Variants in HERC3 observed in about 807,000 individuals in gnomAD.
The protein encoded by HERC3 is probable E3 ubiquitin-protein ligase HERC3.
A neutral mutation model predicts 129.9 loss-of-function variants in HERC3; 58 were observed. The observed-to-expected ratio is 0.45, with a 90% confidence interval of 0.36 to 0.56. The LOEUF (loss-of-function observed/expected upper bound fraction) is 0.56, where lower values mean the gene tolerates loss of function less well. HERC3 is among the 20% of genes least tolerant of loss of function. The pLI is 0.00. For synonymous variants in HERC3, 430 were observed against 451.0 expected (o/e 0.95, Z 0.59); for missense variants, 835 against 1,244.2 (o/e 0.67, Z 4.95).
intron 3 of HERC3, among the ~76,000 whole-genome samples, chr4:88,632,430 G>T (rs1578204669): frequency 6.6e-6 from 1 of 152,208 alleles, no homozygotes; most frequent in East Asian, 1.9e-4. Context: ...ATTTCAACTT[G>T]CATGGGAAGA....
chr4:88,560,253 C>T, the HERC3 span, among the ~76,000 whole-genome samples: 2 of 152,174 alleles, frequency 1.3e-5, no homozygotes, highest in African/African-American at 4.8e-5. Context: ...AGCCACCACG[C>T]CTGGCCATCC....
At chr4:88,544,892 G>A in the HERC3 span, among the ~76,000 whole-genome samples, 1 of 152,090 alleles carries the variant, frequency 6.6e-6, no homozygotes, top group Non-Finnish European at 1.5e-5. Context: ...CACACACTGG[G>A]GCCTGTTGTG....
At chr4:88,650,868 T>A (rs1729198109) in intron 4 of HERC3, among the ~76,000 whole-genome samples, 1 of 152,364 alleles carries the variant, frequency 6.6e-6, no homozygotes, top group East Asian at 1.9e-4. Flanking sequence ...CCTCTCCTCC[T>A]CTGCCTAATT....
At chr4:88,609,150 G>T (rs907010806) in intron 3 of HERC3, among the ~76,000 whole-genome samples, 1 of 151,528 alleles carries the variant, frequency 6.6e-6, no homozygotes, top group Admixed American at 6.6e-5. Flanking sequence ...GGGCATGGTG[G>T]TGTGTACCTG....
chr4:88,617,884 GAAAA>G lies in HERC3; in HGVS notation c.226+11842_226+11845del, dbSNP rs35899455. On this transcript the variant is annotated intron_variant, in intron 3 of 25. Transcript: ENST00000402738. ...AGACTCCGTCTAAAGGAAAAAAAAA[GAAAA>G]AAAAAACAGGGAGTGCAGAAAAGTG... is the stretch of plus-strand genomic sequence containing the variant. Among the ~76,000 whole-genome samples, 4 of 148,328 alleles carry G rather than the reference GAAAA, an allele frequency of 2.7e-5. No homozygotes were observed. In the South Asian group the frequency reaches 6.4e-4, roughly 24 times the overall value.
chr4:88,706,913 C>G lies in HERC3; in HGVS notation c.3106C>G (p.Arg1036Gly), dbSNP rs145277878. The part of the protein sequence containing the change: ...KYSSKEILSA[R>G]LTQALDNYEG... The stretch of plus-strand genomic sequence containing the variant: ...CAGCAGCAAAGAGATTCTGAGTGCC[C>G]GGCTGACCCAGGCCCTTGACAACTA... Residue 1036 changes from arginine to glycine, a missense_variant, in exon 26 of 26, where the codon CGG (arginine) becomes GGG (glycine). By Grantham distance (125) the Arg-to-Gly change is moderately radical. Transcript: ENST00000402738. The G allele has an allele frequency of 6.2e-7, 1 of 1,614,158 alleles. No individual in the cohort carries two copies.
chr4:88,651,411 C>T (rs1729261085), intron 4 of HERC3, among the ~76,000 whole-genome samples: 2 of 152,182 alleles, frequency 1.3e-5, no homozygotes, highest in South Asian at 4.1e-4. Context: ...GATTCCAATA[C>T]TGGCTCTTTT....
At chr4:88,653,523 C>A (rs978979439) in intron 6 of HERC3, among the ~76,000 whole-genome samples, 8 of 151,954 alleles carry the variant, frequency 5.3e-5, no homozygotes, top group Non-Finnish European at 8.8e-5. Context: ...TCGTGTAGAC[C>A]CAGTTATGCA....
intron 3 of HERC3, among the ~76,000 whole-genome samples, chr4:88,607,775 T>G (rs1461421851): frequency 6.6e-6 from 1 of 152,228 alleles, no homozygotes; most frequent in African/African-American, 2.4e-5. Context: ...GGCCCTATTT[T>G]TACTTTTAAA....
At chr4:88,657,292 C>T (rs541947659) in intron 9 of HERC3, 1 of 152,232 alleles carries the variant, frequency 6.6e-6, no homozygotes, top group South Asian at 2.1e-4. Flanking sequence ...TTTTGTAAAC[C>T]TAGCATATAG....
In HERC3 at chr4:88,662,502, C is replaced by T; in HGVS notation, c.1218C>T (p.Thr406=). 1 of 1,613,516 alleles carries T rather than the reference C, an allele frequency of 6.2e-7. No individual in the cohort carries two copies. Among genetic ancestry groups the T allele is most frequent in the Non-Finnish European group, 8.5e-7 (1 of 1,179,578 alleles). The change falls in exon 11 of 26, where the codon ACC becomes ACT. Residue 406 remains threonine, a synonymous_variant. Coordinates refer to ENST00000402738, the MANE Select transcript of HERC3 (RefSeq NM_014606.3). ...AHYTSLINDE[T]IAVWRQKLSE... ...ATACCAGTTTAATAAATGATGAAACCATAGCAGTTTGGAGACAAAAACTCT... is the reference window on the plus strand; with the variant it reads ...ATACCAGTTTAATAAATGATGAAACTATAGCAGTTTGGAGACAAAAACTCT...
intron 23 of HERC3, chr4:88,697,361 A>G (rs553353703): frequency 1.2e-6 from 2 of 1,613,430 alleles, no homozygotes; most frequent in East Asian, 2.2e-5. Flanking sequence ...TCCAAGGTCC[A>G]TGCACACCCC....
At chr4:88,688,606 G>T (rs1009898579) in intron 23 of HERC3, among the ~76,000 whole-genome samples, 5 of 152,142 alleles carry the variant, frequency 3.3e-5, no homozygotes, top group African/African-American at 4.8e-5. Flanking sequence ...CTATAAAGCA[G>T]GTTCAAGGGA....
intron 19 of HERC3, 28 bp from the exon 20 acceptor site, chr4:88,680,065 A>G: frequency 6.3e-7 from 1 of 1,579,976 alleles, no homozygotes; most frequent in Non-Finnish European, 8.6e-7. Context: ...ATTTCCCGGA[A>G]GCATTAATTC....
At chr4:88,538,166 A>G in the HERC3 span, among the ~76,000 whole-genome samples, 2 of 152,228 alleles carry the variant, frequency 1.3e-5, no homozygotes, top group African/African-American at 4.8e-5. Context: ...AATAAATGGG[A>G]GGTTCTTAAA....
In HERC3 at chr4:88,676,328, T is replaced by C. The variant is rs774368923; in HGVS notation, c.1936-6T>C. 1.2e-6 allele frequency: 2 copies of C among 1,607,410 alleles called. No individual in the cohort carries two copies. Among genetic ancestry groups the C allele is most frequent in the South Asian group, 2.2e-5 (2 of 90,866 alleles). On this transcript the variant is annotated splice_polypyrimidine_tract_variant and splice_region_variant and intron_variant, in intron 17 of 25. Coordinates refer to ENST00000402738, the MANE Select transcript of HERC3 (RefSeq NM_014606.3). ...ATAATACTGTCAATAATGTGCTTTATTCTAGGATACTGTAACACTTTGTTC... is the reference window on the plus strand; with the variant it reads ...ATAATACTGTCAATAATGTGCTTTACTCTAGGATACTGTAACACTTTGTTC...
intron 21 of HERC3, among the ~76,000 whole-genome samples, chr4:88,685,175 A>C (rs1175042478): frequency 2.0e-5 from 3 of 152,358 alleles, no homozygotes; most frequent in Non-Finnish European, 4.4e-5. Context: ...CCATTGTGGA[A>C]GACAGTGTGG....
Position 88,680,211 on chromosome 4 carries a change from C to CCTT in HERC3, c.2315_2316insCTT (p.Ser772_Asn773insLeu). 6.2e-7 allele frequency: 1 copy of CCTT among 1,608,410 alleles called. No individual in the cohort carries two copies. The highest frequency in any genetic ancestry group is 8.5e-7 in the Non-Finnish European group (1 of 1,177,900). ...GGAATGTTTACCTACTATCAAGATT[C>CCTT]AAATCTCTTGTGGTTTTCAGACACG... On this transcript the variant is annotated inframe_insertion, in exon 20 of 26. Transcript: ENST00000402738.
At chr4:88,536,513 C>G in the HERC3 span, among the ~76,000 whole-genome samples, 9,380 of 152,180 alleles carry the variant, frequency 0.062, 411 homozygotes, top group South Asian at 0.22. Context: ...TACAAGTATT[C>G]TTTTATATGT....
Sources: allele counts gnomAD v4.1 joint callset (sites outside exome capture counted in the v4.1 genomes callset), GRCh38; gene constraint gnomAD v4.1.1; transcripts MANE v1.5; gene names NCBI Gene and HGNC (gene_info 2026-07-23, HGNC 2026-07-21).